Variants in GRIK2 observed in about 807,000 individuals in gnomAD.
GRIK2 encodes the protein glutamate receptor ionotropic, kainate 2.
Under a neutral mutation model 100.3 loss-of-function variants are expected in GRIK2, and 32 were observed. The observed-to-expected ratio is 0.32, with a 90% CI of 0.24 to 0.43. The LOEUF (loss-of-function observed/expected upper bound fraction) is 0.43, where lower values mean the gene tolerates loss of function less well. Among genes scored for constraint, GRIK2 ranks in the 20% least tolerant of loss-of-function variants. The probability of loss-of-function intolerance (pLI) is 1.00; values close to 1 mark genes in which losing one functional copy is unlikely to be tolerated. For synonymous variants in GRIK2, 417 were observed against 389.4 expected, an observed-to-expected ratio of 1.07 and a Z score of -0.83; for missense variants, 843 against 1,114.9, an observed-to-expected ratio of 0.76 and a Z score of 3.47.
chr6:101,899,315 T>C (rs1346701960), intron 12 of GRIK2, among the ~76,000 whole-genome samples: 1 of 151,930 alleles, frequency 6.6e-6, no homozygotes, highest in Non-Finnish European at 1.5e-5. Context: ...AATATAAAGT[T>C]ATCTCTCTAA....
chr6:102,053,792 T>C (rs1163478805), intron 15 of GRIK2, among the ~76,000 whole-genome samples: 1 of 152,158 alleles, frequency 6.6e-6, no homozygotes. Context: ...GCTTGTAATG[T>C]ATTTAGGAAA....
chr6:101,936,479 T>G (rs1051990674), intron 14 of GRIK2, among the ~76,000 whole-genome samples: 1 of 152,130 alleles, frequency 6.6e-6, no homozygotes, highest in Non-Finnish European at 1.5e-5. Context: ...GATATAAATA[T>G]TTAAAACATG....
intron 14 of GRIK2, among the ~76,000 whole-genome samples, chr6:102,014,120 T>C (rs564181881): frequency 1.2e-3 from 187 of 152,270 alleles, no homozygotes; most frequent in Non-Finnish European, 2.1e-3. Context: ...TTCATTATTG[T>C]TCTTTTCAGG....
chr6:101,943,029 A>G (rs1206556164), intron 14 of GRIK2, among the ~76,000 whole-genome samples: 1 of 152,180 alleles, frequency 6.6e-6, no homozygotes, highest in Admixed American at 6.5e-5. Flanking sequence ...GGGGAAAAAA[A>G]TGGATTCATG....
intron 10 of GRIK2, among the ~76,000 whole-genome samples, chr6:101,849,608 A>C (rs1451455085): frequency 1.3e-5 from 2 of 152,002 alleles, no homozygotes; most frequent in Admixed American, 6.6e-5. Flanking sequence ...TTATGATTTA[A>C]TGCCTTCAGT....
intron 4 of GRIK2, among the ~76,000 whole-genome samples, chr6:101,639,988 C>T (rs1781211079): frequency 6.6e-6 from 1 of 152,142 alleles, no homozygotes; most frequent in Non-Finnish European, 1.5e-5. Context: ...TAACATATAC[C>T]TCTTCTTATC....
intron 14 of GRIK2, among the ~76,000 whole-genome samples, chr6:102,003,414 C>T (rs1795050731): frequency 1.3e-5 from 2 of 151,690 alleles, no homozygotes; most frequent in Non-Finnish European, 3.0e-5. Flanking sequence ...GATATCACAA[C>T]ACCCAAAACA....
chr6:101,491,868 C>CAT (rs917878923), intron 2 of GRIK2, among the ~76,000 whole-genome samples: 72 of 150,902 alleles, frequency 4.8e-4, no homozygotes, highest in Middle Eastern at 3.5e-3. Flanking sequence ...TCATAGTTTG[C>CAT]ATATATATAT....
At chr6:101,457,005 T>A (rs2128251112) in intron 2 of GRIK2, among the ~76,000 whole-genome samples, 1 of 152,248 alleles carries the variant, frequency 6.6e-6, no homozygotes, top group South Asian at 2.1e-4. Context: ...GCAAAAAGTC[T>A]TATTTTGTTT....
At chr6:101,467,254 G>A (rs1468573549) in intron 2 of GRIK2, among the ~76,000 whole-genome samples, 2 of 152,124 alleles carry the variant, frequency 1.3e-5, no homozygotes, top group African/African-American at 4.8e-5. Flanking sequence ...AAGTGAATAA[G>A]AGAAAAAGCC....
intron 2 of GRIK2, among the ~76,000 whole-genome samples, chr6:101,561,603 C>T (rs904383518): frequency 2.4e-4 from 36 of 151,864 alleles, no homozygotes; most frequent in Non-Finnish European, 4.9e-4. Flanking sequence ...CAAAATATTA[C>T]ATGCACTCCC....
intron 7 of GRIK2, among the ~76,000 whole-genome samples, chr6:101,721,136 A>G (rs1256355698): frequency 3.3e-5 from 5 of 152,030 alleles, no homozygotes; most frequent in East Asian, 1.9e-4. Context: ...AGCTTCTTCT[A>G]TAGGTACTCA....
At chr6:101,840,443 G>A (rs151120266) in intron 10 of GRIK2, among the ~76,000 whole-genome samples, 201 of 152,152 alleles carry the variant, frequency 1.3e-3, no homozygotes, top group African/African-American at 3.8e-3. Flanking sequence ...AGATTTATTG[G>A]ATACTCTTAA....
rs1562142123 is a variant in GRIK2, at chr6:101,444,069, T to TTTGTTTG, written c.115+44679_115+44680insGTTTGTT. ...CCAGCCCAGCTGATTTTCCGGGTTT[T>TTTGTTTG]TTTGTTTGTTTGTTTGTTTGTTTGT... On this transcript the variant is annotated intron_variant, in intron 2 of 16. Transcript: ENST00000369134. 1.6e-4 allele frequency among the ~76,000 whole-genome samples: 23 copies of TTTGTTTG among 145,462 alleles called. No homozygotes were observed. The East Asian group carries it at 2.4e-3, about 15-fold the overall frequency.
intron 4 of GRIK2, among the ~76,000 whole-genome samples, chr6:101,633,310 T>C (rs1780852781): frequency 6.6e-6 from 1 of 152,126 alleles, no homozygotes; most frequent in Non-Finnish European, 1.5e-5. Flanking sequence ...GGGCCATCTG[T>C]CAGCCTAGAC....
chr6:101,922,891 A>G (rs1290434367), intron 12 of GRIK2, among the ~76,000 whole-genome samples: 3 of 152,338 alleles, frequency 2.0e-5, no homozygotes, highest in South Asian at 2.1e-4. Flanking sequence ...AAATACTTTA[A>G]AAAACGTGTA....
intron 10 of GRIK2, among the ~76,000 whole-genome samples, chr6:101,829,420 A>G (rs574643099): frequency 3.9e-5 from 6 of 152,152 alleles, no homozygotes; most frequent in African/African-American, 1.4e-4. Flanking sequence ...GAAAGAAATA[A>G]AAGGCATCCA....
chr6:101,700,332 A>G (rs990048470), intron 7 of GRIK2, among the ~76,000 whole-genome samples: 1 of 149,938 alleles, frequency 6.7e-6, no homozygotes, highest in Admixed American at 6.7e-5. Flanking sequence ...TTATTGGAAA[A>G]GGAATTTGGG....
intron 2 of GRIK2, among the ~76,000 whole-genome samples, chr6:101,614,468 A>G (rs1040713030): frequency 5.3e-5 from 8 of 151,654 alleles, no homozygotes; most frequent in African/African-American, 1.9e-4. Context: ...ATTTTCTTAT[A>G]TAACCACTAT....
Sources: gnomAD v4.1 joint callset for allele counts (sites outside exome capture counted in the v4.1 genomes callset) on GRCh38, gnomAD v4.1.1 for gene constraint, MANE v1.5 for transcripts, NCBI Gene and HGNC (gene_info 2026-07-23, HGNC 2026-07-21) for gene names.